The following CCDC69 variants were observed in gnomAD, a reference collection of about 807,000 sequenced individuals.
CCDC69 encodes the protein coiled-coil domain-containing protein 69.
CCDC69 carries 38 observed loss-of-function variants against 40.3 expected under a neutral mutation model. The observed-to-expected ratio is 0.94, with a 90% confidence interval of 0.73 to 1.24. CCDC69 has a LOEUF of 1.24. Among genes scored for constraint, CCDC69 ranks in the 50% most tolerant of loss-of-function variants. The probability of loss-of-function intolerance (pLI) is 0.00; values close to 1 mark genes in which losing one functional copy is unlikely to be tolerated. For synonymous variants in CCDC69, 141 were observed against 138.9 expected (o/e 1.02, Z -0.11); for missense variants, 389 against 357.9 (o/e 1.09, Z -0.70).
intron 1 of CCDC69, among the ~76,000 whole-genome samples, chr5:151,208,520 G>T (rs1482005758): frequency 6.6e-6 from 1 of 152,218 alleles, no homozygotes; most frequent in African/African-American, 2.4e-5. Flanking sequence ...CCCCAAATCT[G>T]CTGAGTGGCT....
At chr5:151,216,589 T>G (rs534515617) in intron 1 of CCDC69, among the ~76,000 whole-genome samples, 1 of 151,588 alleles carries the variant, frequency 6.6e-6, no homozygotes, top group Non-Finnish European at 1.5e-5. Context: ...CTAATTTTTG[T>G]ATTTTTAGTA....
chr5:151,216,405 GAT>G (rs1753041950), intron 1 of CCDC69, among the ~76,000 whole-genome samples: 2 of 146,906 alleles, frequency 1.4e-5, no homozygotes, highest in African/African-American at 5.1e-5. Flanking sequence ...AAATTATTAG[GAT>G]TTTTTTTTTT....
intron 2 of CCDC69, among the ~76,000 whole-genome samples, chr5:151,204,520 T>C (rs1475311698): frequency 6.6e-6 from 1 of 152,182 alleles, no homozygotes; most frequent in South Asian, 2.1e-4. Context: ...AAAAATTCTT[T>C]GAGATTGTGT....
chr5:151,205,970 G>GT (rs1752848738), intron 1 of CCDC69, among the ~76,000 whole-genome samples: 1 of 152,178 alleles, frequency 6.6e-6, no homozygotes, highest in Non-Finnish European at 1.5e-5. Flanking sequence ...CTGTGTGTGT[G>GT]GGAGGGGCTC....
chr5:151,201,440 A>G, intron 3 of CCDC69, 142 bp downstream of exon 3: 1 of 575,754 alleles, frequency 1.7e-6, no homozygotes, highest in Non-Finnish European at 3.1e-6. Flanking sequence ...TATGTGTTCA[A>G]CAGATAAAGG....
In CCDC69 at chr5:151,185,405, C is replaced by T. The variant is rs1561597306; in HGVS notation, c.615+17G>A. ...GGAGCCTGAGGCTGCATCCCCCAGC[C>T]ACTCCCAGTCACAGACCACTGTTTC... On this transcript the variant is annotated intron_variant, in intron 7 of 8. Transcript: ENST00000355417. The T allele has an allele frequency of 3.1e-6, 5 of 1,613,158 alleles. No individual in the cohort carries two copies. Among genetic ancestry groups the T allele is most frequent in the Non-Finnish European group, 4.2e-6 (5 of 1,179,384 alleles).
Position 151,187,370 on chromosome 5 carries a change from ACCCAGC to A in CCDC69, c.393+10_393+15del. 6.2e-7 allele frequency: 1 copy of A among 1,612,724 alleles called. No individual in the cohort carries two copies. Among genetic ancestry groups the A allele is most frequent in the Non-Finnish European group, 8.5e-7 (1 of 1,178,960 alleles). On this transcript the variant is annotated intron_variant, in intron 5 of 8. Coordinates refer to ENST00000355417, the MANE Select transcript of CCDC69 (RefSeq NM_015621.3). ...CTTACCCTTATCCAAGACTGACACG[ACCCAGC>A]CCCTCTCACCTGCTGGGTAGAACTG...
At chr5:151,206,877 G>A (rs1477424653) in intron 1 of CCDC69, among the ~76,000 whole-genome samples, 3 of 151,464 alleles carry the variant, frequency 2.0e-5, no homozygotes, top group Admixed American at 6.6e-5. Flanking sequence ...TGATCTACCC[G>A]CCTCAGCCTC....
At position 151,187,456 on chromosome 5, in the gene CCDC69, A is replaced by G. The variant is rs61745454; in HGVS notation, c.323T>C (p.Leu108Pro). 0.041 allele frequency: 66,093 copies of G among 1,612,904 alleles called. 1,515 individuals are homozygous for G. Among genetic ancestry groups the G allele is most frequent in the African/African-American group, 0.059 (4,377 of 74,616 alleles). The change falls in exon 5 of 9, where the codon CTC becomes CCC. Residue 108 changes from leucine (L) to proline (P), a missense_variant. Transcript: ENST00000355417. ...TTTCTCCTGTTCATATGAGGCCCGG[A>G]GGACTGTAGGGAAAGGAGAACTCCA... ...EGKNEEALQV[L>P]RASYEQEKEA... is the part of the protein sequence containing the mutation.
chr5:151,205,198 C>A (rs1212823238), intron 2 of CCDC69, among the ~76,000 whole-genome samples: 3 of 152,154 alleles, frequency 2.0e-5, no homozygotes, highest in Non-Finnish European at 4.4e-5. Flanking sequence ...ATATAGCACT[C>A]TAGGTGTGGT....
rs769578867 is a variant in CCDC69, at chr5:151,185,411, C to A, written c.615+11G>T. 6.2e-7 allele frequency: 1 copy of A among 1,613,242 alleles called. No homozygotes were observed. Among genetic ancestry groups the A allele is most frequent in the East Asian group, 2.2e-5 (1 of 44,882 alleles). On this transcript the variant is annotated intron_variant, in intron 7 of 8. Transcript: ENST00000355417. ...TGAGGCTGCATCCCCCAGCCACTCC[C>A]AGTCACAGACCACTGTTTCCATGAG...
At chr5:151,185,234 A>T (rs1752475921) in intron 7 of CCDC69, 188 bp downstream of exon 7, 1 of 577,178 alleles carries the variant, frequency 1.7e-6, no homozygotes, top group South Asian at 1.8e-5. Flanking sequence ...CTCAGATGAT[A>T]AGGAGCCACT....
At position 151,205,472 on chromosome 5, in the gene CCDC69, G is replaced by A. The variant is rs374068855; in HGVS notation, c.52C>T (p.Arg18Cys). ...GGCTGTTCTGGTTCTGGTTCTTGGC[G>A]CTTCTGGAAGAAATGAGACAACAGC... ...LSSCKPPKKK[R>C]QEPEPEQPPR... The change falls in exon 2 of 9, where the codon CGC becomes TGC. Residue 18 changes from arginine (R) to cysteine (C), a missense_variant. By Grantham distance (180) the Arg-to-Cys change is radical. Coordinates refer to ENST00000355417, the MANE Select transcript of CCDC69 (RefSeq NM_015621.3). The A allele has an allele frequency of 6.1e-4, 988 of 1,614,096 alleles. 17 individuals carry two copies. The South Asian group carries it at 0.01, about 17-fold the overall frequency.
At chr5:151,198,303 T>TATCTATCC (rs1218586892) in intron 4 of CCDC69, among the ~76,000 whole-genome samples, 4 of 143,842 alleles carry the variant, frequency 2.8e-5, no homozygotes, top group African/African-American at 1.1e-4. Flanking sequence ...TCTATCTATC[T>TATCTATCC]ATCTATCTAT....
intron 1 of CCDC69, 136 bp from the exon 2 acceptor site, chr5:151,205,611 TTGGGCTGC>T: frequency 1.4e-6 from 1 of 714,102 alleles, no homozygotes; most frequent in Non-Finnish European, 2.4e-6. Context: ...CGCCTGCGCA[TTGGGCTGC>T]CTCGCAGCCC....
At chr5:151,219,635 G>A (rs1309506373) in intron 1 of CCDC69, among the ~76,000 whole-genome samples, 1 of 152,180 alleles carries the variant, frequency 6.6e-6, no homozygotes, top group Non-Finnish European at 1.5e-5. Context: ...GCTTTATACA[G>A]ATAGTCATAC....
At chr5:151,220,609 C>T (rs996074288) in intron 1 of CCDC69, among the ~76,000 whole-genome samples, 7 of 152,208 alleles carry the variant, frequency 4.6e-5, no homozygotes, top group Non-Finnish European at 1.0e-4. Context: ...ACTGACCCAC[C>T]AAGTACCTGT....
rs1752539969 is a variant in CCDC69, at chr5:151,187,438, T to C, written c.341A>G (p.Gln114Arg). 1 of 1,613,894 alleles carries C rather than the reference T, an allele frequency of 6.2e-7. No homozygotes were observed. Among genetic ancestry groups the C allele is most frequent in the African/African-American group, 1.3e-5 (1 of 74,900 alleles). ...ALQVLRASYEQEKEALTHSFR... is the reference protein window; with the variant it reads ...ALQVLRASYEREKEALTHSFR... ...AGAGTGGGTAAGCGCTTCTTTCTCCTGTTCATATGAGGCCCGGAGGACTGT... is the reference window on the plus strand; with the variant it reads ...AGAGTGGGTAAGCGCTTCTTTCTCCCGTTCATATGAGGCCCGGAGGACTGT... The change falls in exon 5 of 9, where the codon CAG becomes CGG. Residue 114 changes from glutamine to arginine, a missense_variant. Transcript: ENST00000355417.
chr5:151,212,004 T>G (rs1752958481), intron 1 of CCDC69: 2 of 33,144 alleles, frequency 6.0e-5, no homozygotes, highest in South Asian at 1.0e-3. Flanking sequence ...AGTGTGTGCG[T>G]GGGTGGTGGT....
Sources: allele counts gnomAD v4.1 joint callset (sites outside exome capture counted in the v4.1 genomes callset), GRCh38; gene constraint gnomAD v4.1.1; transcripts MANE v1.5; gene names NCBI Gene and HGNC (gene_info 2026-07-23, HGNC 2026-07-21).